Variants in OR9Q1 observed in about 807,000 individuals in gnomAD.
OR9Q1 encodes olfactory receptor family 9 subfamily Q member 1.
For missense variants in OR9Q1, 374 were observed against 378.8 expected, an observed-to-expected ratio of 0.99 and a Z score of 0.11; for synonymous variants, 153 against 148.6, an observed-to-expected ratio of 1.03 and a Z score of -0.22.
In OR9Q1 at chr11:58,069,899, C is replaced by A. The variant is rs114619547; in HGVS notation, c.-15+13952C>A. On this transcript the variant is annotated intron_variant, in intron 2 of 2. Coordinates refer to ENST00000335397, the MANE Select transcript of OR9Q1 (RefSeq NM_001005212.4). ...AACAAAAAACCAAACCAAACCAAACCAAAACAAAACAAAACACCTCTCTCT... is the reference window on the plus strand; with the variant it reads ...AACAAAAAACCAAACCAAACCAAACAAAAACAAAACAAAACACCTCTCTCT... Among the ~76,000 whole-genome samples the A allele has an allele frequency of 3.1e-3, 465 of 152,096 alleles. 1 individual carries two copies. The highest frequency in any genetic ancestry group is 0.01 in the African/African-American group (435 of 41,524).
At chr11:58,136,869 T>C (rs1419053793) in intron 2 of OR9Q1, among the ~76,000 whole-genome samples, 1 of 152,164 alleles carries the variant, frequency 6.6e-6, no homozygotes, top group Non-Finnish European at 1.5e-5. Flanking sequence ...GGGATTTTGG[T>C]TTACAAAGAC....
intron 2 of OR9Q1, among the ~76,000 whole-genome samples, chr11:58,171,991 G>A (rs1008011620): frequency 2.0e-5 from 3 of 152,124 alleles, no homozygotes; most frequent in Non-Finnish European, 4.4e-5. Context: ...TAATGACAGC[G>A]ACAGGGAAGG....
At chr11:58,151,397 T>A (rs933593007) in intron 2 of OR9Q1, among the ~76,000 whole-genome samples, 8 of 152,216 alleles carry the variant, frequency 5.3e-5, no homozygotes, top group African/African-American at 1.4e-4. Flanking sequence ...TGTGTCTTAA[T>A]GTTGCTTTTG....
intron 2 of OR9Q1, among the ~76,000 whole-genome samples, chr11:58,135,859 C>G (rs1213412075): frequency 6.6e-6 from 1 of 152,176 alleles, no homozygotes; most frequent in African/African-American, 2.4e-5. Flanking sequence ...TCAAGCTGAT[C>G]TCTGAGCACT....
chr11:58,032,572 G>T (rs1364480378), intron 1 of OR9Q1, among the ~76,000 whole-genome samples: 3 of 152,144 alleles, frequency 2.0e-5, no homozygotes, highest in African/African-American at 4.8e-5. Context: ...ATATGCAGAA[G>T]ACTGAAACTG....
intron 2 of OR9Q1, chr11:58,118,911 G>A: frequency 6.2e-7 from 1 of 1,614,046 alleles, no homozygotes; most frequent in Non-Finnish European, 8.5e-7. Flanking sequence ...GGAGGTCACA[G>A]AAGAAGAAGT....
chr11:58,054,695 G>C (rs958823415), intron 1 of OR9Q1, among the ~76,000 whole-genome samples: 4 of 121,316 alleles, frequency 3.3e-5, no homozygotes, highest in Admixed American at 9.4e-5. Context: ...GGCCGAGGTG[G>C]GCGGATCACT....
chr11:58,128,195 T>A, intron 2 of OR9Q1, among the ~76,000 whole-genome samples: 1 of 132,182 alleles, frequency 7.6e-6, no homozygotes, highest in Admixed American at 7.6e-5. Context: ...ATAGAAAAAA[T>A]ATTTCAATAT....
At chr11:58,101,651 T>C (rs1853784417) in intron 2 of OR9Q1, among the ~76,000 whole-genome samples, 1 of 152,218 alleles carries the variant, frequency 6.6e-6, no homozygotes, top group Non-Finnish European at 1.5e-5. Context: ...GTCCCATTTA[T>C]CTATTCTTGT....
chr11:58,107,012 TG>T (rs1358127421), intron 2 of OR9Q1, among the ~76,000 whole-genome samples: 8 of 152,308 alleles, frequency 5.3e-5, no homozygotes, highest in African/African-American at 1.7e-4. Context: ...GAAATGCCAT[TG>T]GGATTTTGAT....
chr11:58,130,906 CATA>C (rs1465808559), intron 2 of OR9Q1, among the ~76,000 whole-genome samples: 1 of 151,732 alleles, frequency 6.6e-6, no homozygotes, highest in African/African-American at 2.4e-5. Context: ...TATAATAGGA[CATA>C]ATTATTAATG....
At chr11:58,029,428 C>G (rs1370060547) in intron 1 of OR9Q1, among the ~76,000 whole-genome samples, 2 of 152,166 alleles carry the variant, frequency 1.3e-5, no homozygotes, top group Admixed American at 1.3e-4. Context: ...TCACTTCCCC[C>G]TTATTCTGTT....
chr11:58,036,261 G>A (rs1853099668), intron 1 of OR9Q1, among the ~76,000 whole-genome samples: 1 of 152,140 alleles, frequency 6.6e-6, no homozygotes, highest in Admixed American at 6.5e-5. Flanking sequence ...TTTACAGCAT[G>A]GTTTACTGAA....
intron 2 of OR9Q1, among the ~76,000 whole-genome samples, chr11:58,121,533 G>A (rs868673916): frequency 5.3e-5 from 8 of 152,302 alleles, no homozygotes; most frequent in South Asian, 2.1e-4. Flanking sequence ...ACATGTAGAG[G>A]AGCCAGGATC....
chr11:58,037,689 ATTTTT>A lies in OR9Q1; in HGVS notation c.-93+13628_-93+13632del, dbSNP rs554392577. ...TATATATATATATATATATATATAT[ATTTTT>A]TTTTTTTTTTTTTTTTTTTTTTTTT... On this transcript the variant is annotated intron_variant, in intron 1 of 2. Transcript: ENST00000335397. Among the ~76,000 whole-genome samples, 52 of 6,994 alleles carry A rather than the reference ATTTTT, an allele frequency of 7.4e-3. 3 individuals carry two copies. Among genetic ancestry groups the A allele is most frequent in the Non-Finnish European group, 0.012 (45 of 3,782 alleles). 4.6% of individuals were successfully genotyped at this position (6,994 alleles called of 152,430 possible).
chr11:58,032,937 T>C (rs1161055096), intron 1 of OR9Q1, among the ~76,000 whole-genome samples: 1 of 152,030 alleles, frequency 6.6e-6, no homozygotes, highest in Non-Finnish European at 1.5e-5. Flanking sequence ...CATTAAAAAG[T>C]GGGTAGAGGA....
chr11:58,144,199 C>A (rs1216352806), intron 2 of OR9Q1, among the ~76,000 whole-genome samples: 1 of 121,102 alleles, frequency 8.3e-6, no homozygotes, highest in Non-Finnish European at 1.6e-5. Flanking sequence ...CCACAACAGT[C>A]CCCGGTGTGT....
chr11:58,037,154 C>T (rs1853107909), intron 1 of OR9Q1, among the ~76,000 whole-genome samples: 2 of 152,152 alleles, frequency 1.3e-5, no homozygotes, highest in Admixed American at 1.3e-4. Context: ...GCAAGTCCCT[C>T]TATAAGCAAA....
intron 2 of OR9Q1, among the ~76,000 whole-genome samples, chr11:58,066,950 T>C (rs983110689): frequency 1.3e-5 from 2 of 152,092 alleles, no homozygotes; most frequent in African/African-American, 4.8e-5. Context: ...GGGGAGTGTG[T>C]GCTGTCCATC....
Sources: allele counts gnomAD v4.1 joint callset (sites outside exome capture counted in the v4.1 genomes callset), GRCh38; gene constraint gnomAD v4.1.1; transcripts MANE v1.5; gene names NCBI Gene and HGNC (gene_info 2026-07-23, HGNC 2026-07-21).